Variants in SMYD5 observed in about 807,000 individuals in gnomAD.
The protein encoded by SMYD5 is SMYD family member 5.
In SMYD5, 35 loss-of-function variants were observed where a neutral mutation model predicts 57.4. The ratio of observed to expected loss-of-function variants is 0.61; its 90% CI spans 0.47 to 0.81. The LOEUF is 0.81. Among genes scored for constraint, SMYD5 ranks in the 30% least tolerant of loss-of-function variants. The pLI is 0.00. For missense variants in SMYD5, 471 were observed against 527.9 expected (o/e 0.89, Z 1.06); for synonymous variants, 198 against 189.7 (o/e 1.04, Z -0.36).
intron 1 of SMYD5, among the ~76,000 whole-genome samples, chr2:73,216,905 GAAGT>G (rs1477130143): frequency 6.6e-6 from 1 of 151,634 alleles, no homozygotes; most frequent in Non-Finnish European, 1.5e-5. Context: ...TTTCAAATTG[GAAGT>G]ATGTATGGTT....
At chr2:73,215,047 C>T (rs1686267497) in intron 1 of SMYD5, among the ~76,000 whole-genome samples, 1 of 152,120 alleles carries the variant, frequency 6.6e-6, no homozygotes, top group Admixed American at 6.6e-5. Flanking sequence ...CAATATCAAG[C>T]CTATTTCTAC....
In SMYD5 at chr2:73,218,967, G is replaced by A. The variant is rs1487080861; in HGVS notation, c.203G>A (p.Arg68Gln). The change falls in exon 2 of 13, where the codon CGA becomes CAA. Residue 68 changes from arginine to glutamine, a missense_variant and splice_region_variant. Arg to Gln is a conservative substitution (Grantham distance 43, BLOSUM62 1). Transcript: ENST00000389501. ...QFLWNALYRYRACDHCLRALE... is the reference protein window; with the variant it reads ...QFLWNALYRYQACDHCLRALE... Reference sequence around the variant, plus strand: ...CTCTGGAATGCACTTTATCGCTACCGAGGTGAGTACATCTCTCCTACTCCT... The same window carrying A: ...CTCTGGAATGCACTTTATCGCTACCAAGGTGAGTACATCTCTCCTACTCCT... 18 of 1,608,866 alleles carry A rather than the reference G, an allele frequency of 1.1e-5. No homozygotes were observed. Among genetic ancestry groups the A allele is most frequent in the Middle Eastern group, 1.6e-4 (1 of 6,076 alleles).
rs752676834 is a variant in SMYD5 at position 73,223,489 on chromosome 2, G to A, written c.840G>A (p.Gln280=). ...AGTTGAAGCCTCAGGACCGTGAGCA[G>A]CTTGACGCCTTCATTGACCAGCTAT... The part of the protein sequence containing the change: ...TLELKPQDRE[Q]LDAFIDQLYK... Residue 280 remains glutamine, a synonymous_variant, in exon 9 of 13, where the codon CAG becomes CAA. Coordinates refer to ENST00000389501, the MANE Select transcript of SMYD5 (RefSeq NM_006062.3). 6.2e-7 allele frequency: 1 copy of A among 1,614,056 alleles called. No homozygotes were observed. The highest frequency in any genetic ancestry group is 1.3e-5 in the African/African-American group (1 of 74,936).
At chr2:73,219,700 G>A (rs1164158273) in intron 2 of SMYD5, among the ~76,000 whole-genome samples, 1 of 152,148 alleles carries the variant, frequency 6.6e-6, no homozygotes, top group African/African-American at 2.4e-5. Flanking sequence ...TCTTAAGCTA[G>A]AGAGACACAA....
intron 1 of SMYD5, chr2:73,214,569 C>T (rs998892841): frequency 9.0e-5 from 135 of 1,493,004 alleles, no homozygotes; most frequent in Non-Finnish European, 3.9e-5. Context: ...TCCGGAGTCT[C>T]CGTGCGCATT....
At chr2:73,223,884 C>T (rs987922746) in intron 9 of SMYD5, 63 bp from the exon 10 acceptor site, 2 of 1,497,412 alleles carry the variant, frequency 1.3e-6, no homozygotes, top group Non-Finnish European at 1.9e-6. Flanking sequence ...CCGTGTAAGC[C>T]TCGTTTCCTT....
At chr2:73,221,977 A>G (rs773346671) in intron 6 of SMYD5, 47 bp downstream of exon 6, 3 of 1,208,876 alleles carry the variant, frequency 2.5e-6, no homozygotes, top group Non-Finnish European at 3.7e-6. Context: ...CAAATATCCT[A>G]GGATGTCTCT....
rs769674089 is a variant in SMYD5 at position 73,225,951 on chromosome 2, G to A, written c.*5G>A. On this transcript the variant is annotated 3_prime_UTR_variant, in exon 13 of 13. Transcript: ENST00000389501. Reference sequence around the variant, plus strand: ...GATGAGATGACTGATGTGTGATGTTGCCCTGCCCAGAAAGGGCCCTGCCCT... The same window carrying A: ...GATGAGATGACTGATGTGTGATGTTACCCTGCCCAGAAAGGGCCCTGCCCT... The A allele has an allele frequency of 6.2e-7, 1 of 1,611,158 alleles. No homozygotes were observed. Among genetic ancestry groups the A allele is most frequent in the South Asian group, 1.1e-5 (1 of 90,730 alleles).
At position 73,222,746 on chromosome 2, in the gene SMYD5, C is replaced by T. The variant is rs952371295; in HGVS notation, c.643-9C>T. ...GGATACAAGTCTCTCCCTGCTTCCTCTAATCCAGGGCCAACTGGAACTTCT... is the reference window on the plus strand; with the variant it reads ...GGATACAAGTCTCTCCCTGCTTCCTTTAATCCAGGGCCAACTGGAACTTCT... On this transcript the variant is annotated splice_polypyrimidine_tract_variant and intron_variant, in intron 6 of 12. Transcript: ENST00000389501. 2 of 1,608,930 alleles carry T rather than the reference C, an allele frequency of 1.2e-6. No homozygotes were observed. Among genetic ancestry groups the T allele is most frequent in the African/African-American group, 2.7e-5 (2 of 74,946 alleles).
chr2:73,221,032 G>C (rs1318259705), intron 4 of SMYD5, 133 bp from the exon 5 acceptor site: 9 of 905,186 alleles, frequency 9.9e-6, no homozygotes, highest in East Asian at 7.6e-5. Context: ...TCTTGCCTAA[G>C]TCCTTGTCTA....
intron 3 of SMYD5, 146 bp from the exon 4 acceptor site, chr2:73,220,515 T>C: frequency 1.0e-6 from 1 of 979,790 alleles, no homozygotes; most frequent in Middle Eastern, 3.1e-4. Flanking sequence ...AGGTGTGCCT[T>C]TCACATATCC....
chr2:73,218,856 C>T lies in SMYD5; in HGVS notation c.97-5C>T, dbSNP rs755619163. ...TATGGCCATCCTATCCCTCTGCCCT[C>T]TCAGGGAAAGGGGCTGTTTGCCACA... On this transcript the variant is annotated splice_region_variant and splice_polypyrimidine_tract_variant and intron_variant, in intron 1 of 12. Transcript: ENST00000389501. The T allele has an allele frequency of 1.9e-6, 3 of 1,608,978 alleles. No individual in the cohort carries two copies. The African/African-American group carries it at 4.0e-5, about 21-fold the overall frequency.
intron 10 of SMYD5, 89 bp downstream of exon 10, chr2:73,224,092 C>A: frequency 8.1e-7 from 1 of 1,238,738 alleles, no homozygotes; most frequent in Non-Finnish European, 1.2e-6. Flanking sequence ...TCTCAGTTGG[C>A]CCTTTCTAGG....
intron 1 of SMYD5, chr2:73,214,909 GA>G: frequency 1.2e-6 from 1 of 863,336 alleles, no homozygotes; most frequent in Non-Finnish European, 1.4e-6. Context: ...GTTCATTGTA[GA>G]AAAAAATACA....
At chr2:73,219,314 TA>T (rs1258888275) in intron 2 of SMYD5, among the ~76,000 whole-genome samples, 2 of 152,234 alleles carry the variant, frequency 1.3e-5, no homozygotes, top group East Asian at 3.9e-4. Context: ...AAGGCTGAGT[TA>T]GGGGTGAGCA....
rs1686493877 is a variant in SMYD5, at chr2:73,225,925, G to A, written c.1236G>A (p.Gly412=). The change falls in exon 13 of 13, where the codon GGG becomes GGA. Residue 412 remains glycine (G), a synonymous_variant. Transcript: ENST00000389501. The part of the protein sequence containing the change: ...EEGEPEDAEL[G]DEMTDV The stretch of plus-strand genomic sequence containing the variant: ...GAGAGCCAGAAGATGCAGAGCTGGG[G>A]GATGAGATGACTGATGTGTGATGTT... 2 of 1,613,844 alleles carry A rather than the reference G, an allele frequency of 1.2e-6. No individual in the cohort carries two copies. The highest frequency in any genetic ancestry group is 2.2e-5 in the South Asian group (2 of 91,070).
In SMYD5 at chr2:73,217,799, C is replaced by T. The variant is rs537388612; in HGVS notation, c.97-1062C>T. ...GTGGCAGCTCAGTGTTGACAGGGCTCCACACGTCTTCTTTGAGTAGTGGGA... is the reference window on the plus strand; with the variant it reads ...GTGGCAGCTCAGTGTTGACAGGGCTTCACACGTCTTCTTTGAGTAGTGGGA... On this transcript the variant is annotated intron_variant, in intron 1 of 12. Transcript: ENST00000389501. Among the ~76,000 whole-genome samples, 62 of 152,306 alleles carry T rather than the reference C, an allele frequency of 4.1e-4. No individual in the cohort carries two copies. In the South Asian group the frequency reaches 0.013, roughly 31 times the overall value.
At chr2:73,214,810 T>C in intron 1 of SMYD5, 1 of 1,307,970 alleles carries the variant, frequency 7.6e-7, no homozygotes, top group Non-Finnish European at 1.0e-6. Flanking sequence ...GCTGAGGAAT[T>C]TGGACCAGAG....
At chr2:73,214,739 G>C in intron 1 of SMYD5, 3 of 1,330,034 alleles carry the variant, frequency 2.3e-6, no homozygotes, top group Non-Finnish European at 3.0e-6. Flanking sequence ...AACTTCATGT[G>C]TGAGATTTGG....
Sources: gnomAD v4.1 joint callset for allele counts (sites outside exome capture counted in the v4.1 genomes callset) on GRCh38, gnomAD v4.1.1 for gene constraint, MANE v1.5 for transcripts, NCBI Gene and HGNC (gene_info 2026-07-23, HGNC 2026-07-21) for gene names.